The following CACNA2D3 variants were observed in gnomAD, a reference collection of about 807,000 sequenced individuals.
The protein encoded by CACNA2D3 is voltage-dependent calcium channel subunit alpha-2/delta-3.
CACNA2D3 carries 60 observed loss-of-function variants against 160.6 expected under a neutral mutation model. That is an observed-to-expected ratio of 0.37 (90% CI 0.30 to 0.46). The LOEUF (loss-of-function observed/expected upper bound fraction) is 0.46, where lower values mean the gene tolerates loss of function less well. Ranked by LOEUF, CACNA2D3 falls within the 20% of genes least tolerant of loss-of-function variation. The pLI, the probability that CACNA2D3 is intolerant of heterozygous loss-of-function variation, is 1.00. For synonymous variants in CACNA2D3, 558 were observed against 492.9 expected (o/e 1.13, Z -1.75); for missense variants, 1,205 against 1,365.0 (o/e 0.88, Z 1.85).
chr3:54,728,468 G>C (rs1424070170), intron 11 of CACNA2D3, among the ~76,000 whole-genome samples: 1 of 151,846 alleles, frequency 6.6e-6, no homozygotes, highest in South Asian at 2.1e-4. Flanking sequence ...TCAATATTTT[G>C]ATCATGGTTA....
intron 3 of CACNA2D3, among the ~76,000 whole-genome samples, chr3:54,361,099 G>A (rs978072600): frequency 4.6e-5 from 7 of 151,988 alleles, no homozygotes; most frequent in Non-Finnish European, 8.8e-5. Context: ...ACATAAAAAT[G>A]TAATGTTTCT....
chr3:55,020,176 A>G (rs1215921912), intron 35 of CACNA2D3, among the ~76,000 whole-genome samples: 1 of 151,448 alleles, frequency 6.6e-6, no homozygotes, highest in African/African-American at 2.4e-5. Context: ...AAAATTTTAA[A>G]TCATGAAATA....
At chr3:54,886,567 G>C (rs1018969941) in intron 23 of CACNA2D3, among the ~76,000 whole-genome samples, 1 of 152,140 alleles carries the variant, frequency 6.6e-6, no homozygotes, top group African/African-American at 2.4e-5. Flanking sequence ...CTGGGTCCCT[G>C]CTCAGCCTCG....
rs550788401 is a variant in CACNA2D3 at position 54,893,238 on chromosome 3, T to G, written c.2246+1788T>G. Among the ~76,000 whole-genome samples the G allele has an allele frequency of 4.9e-4, 74 of 152,202 alleles. 3 individuals carry two copies. The South Asian group carries it at 0.013, about 27-fold the overall frequency. On this transcript the variant is annotated intron_variant, in intron 25 of 37. Transcript: ENST00000474759. ...CTGTAGTGAGCTGAGATTGTGTCAC[T>G]GCACTCCAGCCTGGGCAACAGAGTG...
intron 20 of CACNA2D3, 111 bp from the exon 21 acceptor site, chr3:54,880,685 G>T: frequency 2.1e-6 from 2 of 959,392 alleles, no homozygotes; most frequent in South Asian, 2.7e-5. Flanking sequence ...AAAAATTGTT[G>T]ACAGATCATA....
At chr3:54,740,285 T>C (rs1257888961) in intron 11 of CACNA2D3, among the ~76,000 whole-genome samples, 1 of 152,166 alleles carries the variant, frequency 6.6e-6, no homozygotes, top group African/African-American at 2.4e-5. Flanking sequence ...CAACTTTTAC[T>C]GACTGAAGGT....
chr3:54,608,748 T>C (rs542462810), intron 9 of CACNA2D3, among the ~76,000 whole-genome samples: 73 of 152,334 alleles, frequency 4.8e-4, no homozygotes, highest in African/African-American at 1.7e-3. Flanking sequence ...CCAAATTTCT[T>C]TGCGCAATAA....
chr3:54,919,394 A>G (rs142411392), intron 27 of CACNA2D3, among the ~76,000 whole-genome samples: 7 of 152,350 alleles, frequency 4.6e-5, no homozygotes, highest in East Asian at 1.9e-4. Context: ...AGTGATGCCA[A>G]ATGGAGAGGT....
intron 25 of CACNA2D3, among the ~76,000 whole-genome samples, chr3:54,894,030 T>C (rs1024897198): frequency 4.6e-5 from 7 of 152,124 alleles, no homozygotes; most frequent in African/African-American, 1.4e-4. Flanking sequence ...CCTGGTAAAG[T>C]GCAGCGTTTT....
At chr3:54,552,442 C>G (rs1253109629) in intron 5 of CACNA2D3, among the ~76,000 whole-genome samples, 2 of 152,166 alleles carry the variant, frequency 1.3e-5, no homozygotes, top group African/African-American at 2.4e-5. Flanking sequence ...ATTGCTTTCT[C>G]CCACCCCCTG....
At chr3:54,654,016 C>T (rs1699827704) in intron 11 of CACNA2D3, among the ~76,000 whole-genome samples, 1 of 152,154 alleles carries the variant, frequency 6.6e-6, no homozygotes, top group African/African-American at 2.4e-5. Context: ...ATGGGGAGCA[C>T]TTCTAGTAGC....
intron 2 of CACNA2D3, among the ~76,000 whole-genome samples, chr3:54,224,940 C>CTTTTTTT (rs58653320): frequency 3.1e-5 from 4 of 127,990 alleles, no homozygotes; most frequent in Middle Eastern, 4.2e-3. Flanking sequence ...GACTGAATAT[C>CTTTTTTT]TTTTTTTTTT....
intron 27 of CACNA2D3, among the ~76,000 whole-genome samples, chr3:54,955,707 C>T (rs974754383): frequency 2.6e-5 from 4 of 152,082 alleles, no homozygotes; most frequent in African/African-American, 9.7e-5. Context: ...CCTGGCTCTC[C>T]CCTGAGGCCT....
At chr3:54,157,705 C>G (rs146088380) in intron 2 of CACNA2D3, among the ~76,000 whole-genome samples, 7 of 152,082 alleles carry the variant, frequency 4.6e-5, no homozygotes, top group African/African-American at 1.4e-4. Context: ...GCAGGAGGAT[C>G]GCTTGAACCC....
chr3:54,687,121 C>CTGTTTTTTTTT (rs1700464333), intron 11 of CACNA2D3, among the ~76,000 whole-genome samples: 1 of 94,934 alleles, frequency 1.1e-5, no homozygotes, highest in East Asian at 3.5e-4. Flanking sequence ...TTTTCTTTTT[C>CTGTTTTTTTTT]TTTTTTTTTT....
intron 3 of CACNA2D3, among the ~76,000 whole-genome samples, chr3:54,384,526 G>A (rs1699157405): frequency 1.3e-5 from 2 of 152,130 alleles, no homozygotes; most frequent in African/African-American, 4.8e-5. Flanking sequence ...ATCCCAGAAG[G>A]CTTTCAAGCT....
At chr3:55,061,937 A>G (rs1704518950) in intron 35 of CACNA2D3, among the ~76,000 whole-genome samples, 1 of 151,984 alleles carries the variant, frequency 6.6e-6, no homozygotes, top group Admixed American at 6.5e-5. Context: ...GAGATTGGAT[A>G]TCAAAGAGAA....
chr3:55,026,217 T>C (rs1360340631), intron 35 of CACNA2D3, among the ~76,000 whole-genome samples: 2 of 152,072 alleles, frequency 1.3e-5, no homozygotes, highest in African/African-American at 4.8e-5. Context: ...ACTTGTGAGA[T>C]GGCAATTTGG....
intron 14 of CACNA2D3, among the ~76,000 whole-genome samples, chr3:54,822,820 TTTCTTTCTTTCTTTTC>T (rs1559595784): frequency 2.7e-5 from 3 of 112,098 alleles, no homozygotes; most frequent in African/African-American, 8.5e-5. Context: ...TCTTTCTTTC[TTTCTTTCTTTCTTTTC>T]TTTCTTTCTT....
Sources: gnomAD v4.1 joint callset for allele counts (sites outside exome capture counted in the v4.1 genomes callset) on GRCh38, gnomAD v4.1.1 for gene constraint, MANE v1.5 for transcripts, NCBI Gene and HGNC (gene_info 2026-07-23, HGNC 2026-07-21) for gene names.